Variants in NDUFB3 observed in about 807,000 individuals in gnomAD.
The protein encoded by NDUFB3 is NADH:ubiquinone oxidoreductase subunit B3, also known as NADH dehydrogenase [ubiquinone] 1 beta subcomplex subunit 3.
NDUFB3 carries 7 observed loss-of-function variants against 9.0 expected under a neutral mutation model. The observed-to-expected ratio is 0.78, with a 90% CI of 0.44 to 1.46. The LOEUF (loss-of-function observed/expected upper bound fraction) is 1.46, where lower values mean the gene tolerates loss of function less well. Among genes scored for constraint, NDUFB3 ranks in the 40% most tolerant of loss-of-function variants. The probability of loss-of-function intolerance (pLI) is 0.01; values close to 1 mark genes in which losing one functional copy is unlikely to be tolerated. For missense variants in NDUFB3, 93 were observed against 115.4 expected (o/e 0.81, Z 0.89); for synonymous variants, 29 against 38.5 (o/e 0.75, Z 0.91).
At chr2:201,082,442 T>C (rs1424569668) in intron 2 of NDUFB3, among the ~76,000 whole-genome samples, 1 of 151,780 alleles carries the variant, frequency 6.6e-6, no homozygotes, top group Admixed American at 6.6e-5. Context: ...TTTTTGTATT[T>C]TTTGTTGAGA....
chr2:201,080,308 C>G (rs2047208611), intron 2 of NDUFB3, among the ~76,000 whole-genome samples: 1 of 152,112 alleles, frequency 6.6e-6, no homozygotes, highest in Non-Finnish European at 1.5e-5. Context: ...GTGGCTCGCA[C>G]CTATAATTCC....
chr2:201,085,630 A>T lies in NDUFB3; in HGVS notation c.*15A>T, dbSNP rs1383093863. 6.2e-7 allele frequency: 1 copy of T among 1,605,968 alleles called. No homozygotes were observed. The highest frequency in any genetic ancestry group is 8.5e-7 in the Non-Finnish European group (1 of 1,176,380). ...AGCATCACTGAAGATAATACCTGGA[A>T]GCATCATAGTGGTTTCTTAACTCTC... is the stretch of plus-strand genomic sequence containing the variant. On this transcript the variant is annotated 3_prime_UTR_variant, in exon 3 of 3. Coordinates refer to ENST00000237889, the MANE Select transcript of NDUFB3 (RefSeq NM_002491.3).
intron 1 of NDUFB3, among the ~76,000 whole-genome samples, chr2:201,074,087 G>A (rs2047132365): frequency 6.6e-6 from 1 of 151,906 alleles, no homozygotes; most frequent in Non-Finnish European, 1.5e-5. Flanking sequence ...CTAATAGCTG[G>A]AACTACAGGC....
intron 2 of NDUFB3, among the ~76,000 whole-genome samples, chr2:201,083,831 T>A (rs2047259947): frequency 1.3e-5 from 2 of 152,232 alleles, no homozygotes; most frequent in South Asian, 4.1e-4. Flanking sequence ...CATTTTTATA[T>A]GCTGTCGGAT....
intron 2 of NDUFB3, among the ~76,000 whole-genome samples, chr2:201,080,207 C>G (rs1014652669): frequency 6.6e-6 from 1 of 152,060 alleles, no homozygotes; most frequent in African/African-American, 2.4e-5. Context: ...GCTCCAGCAC[C>G]ATTTATTAAA....
At chr2:201,073,060 G>T (rs1277380267) in intron 1 of NDUFB3, among the ~76,000 whole-genome samples, 1 of 152,084 alleles carries the variant, frequency 6.6e-6, no homozygotes, top group African/African-American at 2.4e-5. Context: ...GTCTAGAAAG[G>T]TTCCTTACAG....
chr2:201,080,273 T>G (rs1339060063), intron 2 of NDUFB3, among the ~76,000 whole-genome samples: 1 of 152,122 alleles, frequency 6.6e-6, no homozygotes, highest in Admixed American at 6.6e-5. Flanking sequence ...ATCCATTGAG[T>G]GATTTTTGAC....
intron 2 of NDUFB3, 24 bp from the exon 3 acceptor site, chr2:201,085,435 A>G (rs781586756): frequency 4.5e-6 from 7 of 1,566,508 alleles, no homozygotes; most frequent in Admixed American, 3.8e-5. Flanking sequence ...GTATGATTAT[A>G]ATTTTTTCTT....
At chr2:201,074,962 A>C (rs2047145109) in intron 1 of NDUFB3, among the ~76,000 whole-genome samples, 1 of 152,188 alleles carries the variant, frequency 6.6e-6, no homozygotes, top group East Asian at 1.9e-4. Context: ...TACTTTTACT[A>C]GTGCAAAGTA....
chr2:201,079,475 G>T (rs1412227993), intron 2 of NDUFB3, among the ~76,000 whole-genome samples: 2 of 151,678 alleles, frequency 1.3e-5, no homozygotes, highest in Non-Finnish European at 2.9e-5. Flanking sequence ...TTTGAGACAG[G>T]GTCTCACTCT....
chr2:201,075,112 A>G (rs1488101600), intron 1 of NDUFB3, among the ~76,000 whole-genome samples: 1 of 151,486 alleles, frequency 6.6e-6, no homozygotes, highest in Non-Finnish European at 1.5e-5. Context: ...TTAGGAGGCC[A>G]AGGAGGGAGG....
chr2:201,074,243 G>T (rs1354600944), intron 1 of NDUFB3, among the ~76,000 whole-genome samples: 1 of 151,964 alleles, frequency 6.6e-6, no homozygotes, highest in African/African-American at 2.4e-5. Context: ...GTGAGCCACC[G>T]CTCCTGGCCT....
intron 2 of NDUFB3, among the ~76,000 whole-genome samples, chr2:201,083,260 G>A (rs1458889223): frequency 6.6e-6 from 1 of 151,380 alleles, no homozygotes; most frequent in Non-Finnish European, 1.5e-5. Context: ...TTAGTATGAT[G>A]TTTCTTACAG....
chr2:201,076,852 G>C (rs759357689), intron 1 of NDUFB3, among the ~76,000 whole-genome samples: 4 of 152,154 alleles, frequency 2.6e-5, no homozygotes, highest in Admixed American at 2.0e-4. Flanking sequence ...TGTAATCCCA[G>C]CACTTTGGGA....
intron 2 of NDUFB3, among the ~76,000 whole-genome samples, chr2:201,079,345 A>G (rs1352421912): frequency 1.3e-5 from 2 of 151,864 alleles, no homozygotes; most frequent in Non-Finnish European, 2.9e-5. Context: ...GGGTTTCACC[A>G]TGTTGGCCAA....
At chr2:201,079,096 C>A in intron 2 of NDUFB3, 74 bp downstream of exon 2, 1 of 1,454,928 alleles carries the variant, frequency 6.9e-7, no homozygotes, top group South Asian at 1.4e-5. Context: ...TCAATGTATT[C>A]TCCTTAGAGA....
intron 1 of NDUFB3, among the ~76,000 whole-genome samples, chr2:201,077,494 A>G (rs566627808): frequency 6.6e-6 from 1 of 152,348 alleles, no homozygotes; most frequent in East Asian, 1.9e-4. Context: ...CTGTTGGCCC[A>G]GTTCAGGGAT....
chr2:201,077,196 G>A lies in NDUFB3; in HGVS notation c.-2-1685G>A, dbSNP rs55737555. Among the ~76,000 whole-genome samples, 473 of 151,862 alleles carry A rather than the reference G, an allele frequency of 3.1e-3. 1 individual carries two copies. The highest frequency in any genetic ancestry group is 4.8e-3 in the Non-Finnish European group (327 of 67,964). On this transcript the variant is annotated intron_variant, in intron 1 of 2. Coordinates refer to ENST00000237889, the MANE Select transcript of NDUFB3 (RefSeq NM_002491.3). ...GTAATATTTACTTGATTTTACTTCC[G>A]GAAAAGCAGTGATTATAGAATTGCT... is the stretch of plus-strand genomic sequence containing the variant.
At chr2:201,075,196 GAAAAAGA>G (rs1366346124) in intron 1 of NDUFB3, among the ~76,000 whole-genome samples, 1 of 145,172 alleles carries the variant, frequency 6.9e-6, no homozygotes, top group African/African-American at 2.6e-5. Context: ...AAAAAAAAAA[GAAAAAGA>G]AAAAAGAAAA....
Sources: allele counts gnomAD v4.1 joint callset (sites outside exome capture counted in the v4.1 genomes callset), GRCh38; gene constraint gnomAD v4.1.1; transcripts MANE v1.5; gene names NCBI Gene and HGNC (gene_info 2026-07-23, HGNC 2026-07-21).